Variants in DMD observed in about 807,000 individuals in gnomAD.
DMD encodes the protein dystrophin.
DMD carries 63 observed loss-of-function variants against 330.1 expected under a neutral mutation model. The observed-to-expected ratio is 0.19, with a 90% confidence interval of 0.16 to 0.24. The LOEUF (loss-of-function observed/expected upper bound fraction) is 0.24, where lower values mean the gene tolerates loss of function less well. DMD is among the 10% of genes least tolerant of loss of function. The probability of loss-of-function intolerance (pLI) is 1.00; values close to 1 mark genes in which losing one functional copy is unlikely to be tolerated. For missense variants in DMD, 3,344 were observed against 2,684.1 expected, an observed-to-expected ratio of 1.25 and a Z score of -5.43; for synonymous variants, 1,223 against 959.8, an observed-to-expected ratio of 1.27 and a Z score of -5.07.
chrX:32,386,528 G>C, intron 32 of DMD, 63 bp from the exon 33 acceptor site: 2 of 1,000,027 alleles, frequency 2.0e-6, no homozygotes, highest in South Asian at 4.1e-5. Flanking sequence ...ATAATATTAT[G>C]AACAGAAATA....
intron 55 of DMD, among the ~76,000 whole-genome samples, chrX:31,528,206 T>C (rs1304260502): frequency 1.1e-5 from 1 of 94,248 alleles, no homozygotes; most frequent in Non-Finnish European, 2.1e-5. Context: ...GTTGTAACAG[T>C]GCATTAAAAT....
At chrX:32,948,822 T>C (rs2090996263) in intron 2 of DMD, among the ~76,000 whole-genome samples, 1 of 112,008 alleles carries the variant, frequency 8.9e-6, no homozygotes, top group African/African-American at 3.2e-5. Flanking sequence ...AGCAATAATA[T>C]TTATGCAGCA....
At chrX:32,722,049 T>C (rs1049769651) in intron 7 of DMD, among the ~76,000 whole-genome samples, 100 of 110,753 alleles carry the variant, frequency 9.0e-4, no homozygotes, top group African/African-American at 3.2e-3. Context: ...ATACTCTTTT[T>C]AATACTGTAG....
chrX:33,126,022 G>A (rs963670353), intron 1 of DMD, among the ~76,000 whole-genome samples: 1 of 91,303 alleles, frequency 1.1e-5, no homozygotes, highest in African/African-American at 4.0e-5. Flanking sequence ...CTGGGTGACA[G>A]AGCGAGACTC....
At chrX:32,314,810 G>C (rs2097577462) in intron 41 of DMD, among the ~76,000 whole-genome samples, 1 of 111,940 alleles carries the variant, frequency 8.9e-6, no homozygotes, top group South Asian at 3.7e-4. Context: ...CTGGTCATTA[G>C]AGAAATGCAA....
At chrX:32,551,455 C>T (rs759034262) in intron 16 of DMD, among the ~76,000 whole-genome samples, 63 of 111,364 alleles carry the variant, frequency 5.7e-4, no homozygotes, top group Non-Finnish European at 8.5e-4. Flanking sequence ...TGTTAAAAAT[C>T]CTCGACAAAC....
intron 67 of DMD, among the ~76,000 whole-genome samples, chrX:31,192,131 G>A (rs1181366342): frequency 8.9e-6 from 1 of 111,884 alleles, no homozygotes; most frequent in African/African-American, 3.3e-5. Flanking sequence ...TTACATAAGA[G>A]AGAAGTCTGC....
At chrX:31,566,445 A>C (rs182657198) in intron 55 of DMD, among the ~76,000 whole-genome samples, 2 of 111,576 alleles carry the variant, frequency 1.8e-5, no homozygotes, top group African/African-American at 6.5e-5. Flanking sequence ...ATTCTGTTTC[A>C]TTTGGTCTAT....
chrX:31,762,849 T>C (rs2089714285), intron 51 of DMD, among the ~76,000 whole-genome samples: 3 of 112,475 alleles, frequency 2.7e-5, no homozygotes. Flanking sequence ...AAAATTATGA[T>C]TGTTTTTGCA....
chrX:33,256,966 T>C (rs1217993097), intron 1 of DMD, among the ~76,000 whole-genome samples: 3 of 110,820 alleles, frequency 2.7e-5, no homozygotes, highest in East Asian at 5.7e-4. Flanking sequence ...TAACACATCT[T>C]GAACAATTCT....
intron 74 of DMD, among the ~76,000 whole-genome samples, chrX:31,160,663 G>A (rs1227507632): frequency 1.8e-5 from 2 of 111,876 alleles, no homozygotes; most frequent in African/African-American, 6.5e-5. Flanking sequence ...AAATGCTAAC[G>A]TAATGATGAC....
chrX:31,485,723 A>G (rs1172012783), intron 57 of DMD, among the ~76,000 whole-genome samples: 4 of 111,797 alleles, frequency 3.6e-5, no homozygotes, highest in Non-Finnish European at 7.5e-5. Flanking sequence ...GGATCATATT[A>G]CTATGGATGT....
In DMD at chrX:31,480,554, T is replaced by TGTG. The variant is rs2068187657; in HGVS notation, c.8548-1452_8548-1451insCAC. On this transcript the variant is annotated intron_variant, in intron 57 of 78. Coordinates refer to ENST00000357033, the MANE Select transcript of DMD (RefSeq NM_004006.3). ...GATATTTCACTTGAAATCTCCATGT[T>TGTG]TGTGTGTGTGTGTGTGTGTGTGTGT... Among the ~76,000 whole-genome samples, 161 of 91,338 alleles carry TGTG rather than the reference T, an allele frequency of 1.8e-3. 1 individual carries two copies. The East Asian group carries it at 0.04, about 23-fold the overall frequency. 79.3% of individuals were successfully genotyped at this position (91,338 alleles called of 115,157 possible).
intron 1 of DMD, among the ~76,000 whole-genome samples, chrX:33,317,356 C>T (rs1406931959): frequency 2.7e-5 from 3 of 111,602 alleles, no homozygotes; most frequent in African/African-American, 9.7e-5. Flanking sequence ...AAAACCTTTT[C>T]ATGCTGCAAA....
intron 1 of DMD, among the ~76,000 whole-genome samples, chrX:33,338,533 T>C (rs2054290147): frequency 9.0e-6 from 1 of 111,094 alleles, no homozygotes; most frequent in African/African-American, 3.3e-5. Context: ...TCTGTCATTT[T>C]TCATTAACAG....
intron 11 of DMD, among the ~76,000 whole-genome samples, chrX:32,636,365 A>G (rs976007258): frequency 8.9e-6 from 1 of 112,241 alleles, no homozygotes; most frequent in Non-Finnish European, 1.9e-5. Flanking sequence ...AAAGAACCTA[A>G]TATAAAGTTC....
At chrX:32,919,862 T>C (rs1256235750) in intron 2 of DMD, among the ~76,000 whole-genome samples, 1 of 111,608 alleles carries the variant, frequency 9.0e-6, no homozygotes, top group Admixed American at 9.6e-5. Flanking sequence ...TTAAGGAAAC[T>C]AAATCCCCAA....
At chrX:33,007,084 C>G (rs1386159523) in intron 2 of DMD, among the ~76,000 whole-genome samples, 10 of 110,976 alleles carry the variant, frequency 9.0e-5, no homozygotes, top group Non-Finnish European at 1.7e-4. Flanking sequence ...TCCTCTAACT[C>G]ATCTCTCTAC....
intron 43 of DMD, among the ~76,000 whole-genome samples, chrX:32,220,522 T>C (rs2097128576): frequency 1.8e-5 from 2 of 111,647 alleles, no homozygotes; most frequent in African/African-American, 6.5e-5. Context: ...CACTTTTCAG[T>C]ATTTAATAGG....
Sources: gnomAD v4.1 joint callset for allele counts (sites outside exome capture counted in the v4.1 genomes callset) on GRCh38, gnomAD v4.1.1 for gene constraint, MANE v1.5 for transcripts, NCBI Gene and HGNC (gene_info 2026-07-23, HGNC 2026-07-21) for gene names.